The following NUP62CL variants were observed in gnomAD, a reference collection of about 807,000 sequenced individuals.
NUP62CL encodes nucleoporin-62 C-terminal-like protein.
In NUP62CL, 13 loss-of-function variants were observed where a neutral mutation model predicts 15.3. The observed-to-expected ratio is 0.85, with a 90% CI of 0.55 to 1.35. The LOEUF (loss-of-function observed/expected upper bound fraction) is 1.35. Ranked by LOEUF, NUP62CL falls within the 40% of genes most tolerant of loss-of-function variation. The pLI is 0.00. For missense variants in NUP62CL, 123 were observed against 130.6 expected (o/e 0.94, Z 0.28); for synonymous variants, 54 against 49.2 (o/e 1.10, Z -0.41).
At chrX:107,124,484 C>T (rs1925342165) in intron 8 of NUP62CL, among the ~76,000 whole-genome samples, 152 bp from the exon 9 acceptor site, 1 of 111,372 alleles carries the variant, frequency 9.0e-6, no homozygotes, top group Non-Finnish European at 1.9e-5. Context: ...AAAAAACACT[C>T]ATCTATCTGT....
chrX:107,132,045 C>G (rs1270807669), intron 8 of NUP62CL: 27 of 1,062,203 alleles, frequency 2.5e-5, no homozygotes, highest in Admixed American at 4.4e-5. Context: ...ATCGACCCAA[C>G]ATGATTTGTA....
At chrX:107,201,869 T>G (rs1325530766) in intron 1 of NUP62CL, among the ~76,000 whole-genome samples, 7 of 110,306 alleles carry the variant, frequency 6.3e-5, no homozygotes, top group Non-Finnish European at 1.3e-4. Context: ...GCCCAAGAGG[T>G]GGAGGTTGCA....
At chrX:107,154,309 T>C in intron 4 of NUP62CL, 63 bp from the exon 5 acceptor site, 1 of 962,077 alleles carries the variant, frequency 1.0e-6, no homozygotes, top group Admixed American at 3.0e-5. Context: ...GATCAGATTT[T>C]AAAAACGAAC....
At chrX:107,204,537 T>C (rs1372219849) in intron 1 of NUP62CL, among the ~76,000 whole-genome samples, 1 of 110,058 alleles carries the variant, frequency 9.1e-6, no homozygotes, top group Non-Finnish European at 1.9e-5. Flanking sequence ...TAACATTTGT[T>C]CCCCAAGAAG....
At chrX:107,129,812 G>A (rs190876776) in intron 8 of NUP62CL, among the ~76,000 whole-genome samples, 2 of 111,764 alleles carry the variant, frequency 1.8e-5, no homozygotes, top group Admixed American at 1.9e-4. Context: ...AAAGCTAAAA[G>A]AAATACTCCA....
intron 1 of NUP62CL, among the ~76,000 whole-genome samples, chrX:107,204,275 G>A (rs1254888720): frequency 2.7e-5 from 3 of 111,347 alleles, no homozygotes; most frequent in Non-Finnish European, 3.8e-5. Context: ...TAGTCTCGGA[G>A]ATCCACTTAC....
intron 1 of NUP62CL, among the ~76,000 whole-genome samples, chrX:107,205,643 A>T (rs1927658038): frequency 9.0e-6 from 1 of 111,492 alleles, no homozygotes; most frequent in Non-Finnish European, 1.9e-5. Flanking sequence ...CCTACTATTG[A>T]TCATGGCTAA....
Position 107,153,177 on chromosome X carries a change from C to T in NUP62CL, c.525G>A (p.Val175=). The T allele has an allele frequency of 8.3e-7, 1 of 1,202,001 alleles. No individual in the cohort carries two copies. Among genetic ancestry groups the T allele is most frequent in the Non-Finnish European group, 1.1e-6 (1 of 892,332 alleles). ...HYLQDADEEH[V]EISTRSAEF The stretch of plus-strand genomic sequence containing the variant: ...ATCTTTTTTCAGTTACTTACATCTC[C>T]ACATGCTCCTCATCTGCATCCTGCA... Residue 175 remains valine, a synonymous_variant, in exon 7 of 9, where the codon GTG becomes GTA. Transcript: ENST00000372466.
intron 7 of NUP62CL, among the ~76,000 whole-genome samples, chrX:107,152,151 GATAT>G (rs760687909): frequency 1.6e-3 from 67 of 42,785 alleles, no homozygotes; most frequent in Middle Eastern, 0.015. Context: ...TATATATTCA[GATAT>G]ATATATATAT....
In NUP62CL at chrX:107,206,413, G is replaced by T. The variant is rs2298179; in HGVS notation, c.-232C>A. ...CCTCCTTAGTGGGCAGGTTCCCGCTGAAGTGAAGCTAACCGAGACTGAGGC... is the reference window on the plus strand; with the variant it reads ...CCTCCTTAGTGGGCAGGTTCCCGCTTAAGTGAAGCTAACCGAGACTGAGGC... On this transcript the variant is annotated 5_prime_UTR_variant, in exon 1 of 9. Coordinates refer to ENST00000372466, the MANE Select transcript of NUP62CL (RefSeq NM_017681.3). 20,424 of 109,568 alleles carry T rather than the reference G, an allele frequency of 0.19. 1,575 individuals carry two copies. The highest frequency in any genetic ancestry group is 0.47 in the East Asian group (1,599 of 3,391). The allele number at this position is 109,568 out of a possible 1,213,427, so 9.0% of individuals were successfully genotyped here.
chrX:107,189,899 AAG>A (rs1491055878), intron 2 of NUP62CL, among the ~76,000 whole-genome samples: 3 of 99,173 alleles, frequency 3.0e-5, no homozygotes, highest in Non-Finnish European at 6.0e-5. Context: ...GAAAGAAAGA[AAG>A]AAAGAAAGAA....
intron 1 of NUP62CL, among the ~76,000 whole-genome samples, chrX:107,202,897 T>C (rs1394753178): frequency 9.8e-6 from 1 of 101,677 alleles, no homozygotes; most frequent in Non-Finnish European, 2.0e-5. Context: ...CAGCTACTTG[T>C]AGCCCCAGAG....
intron 8 of NUP62CL, among the ~76,000 whole-genome samples, chrX:107,141,316 A>G (rs1022279525): frequency 8.9e-6 from 1 of 112,266 alleles, no homozygotes; most frequent in Non-Finnish European, 1.9e-5. Context: ...CAAAAAATCT[A>G]TTTTGTCTGT....
intron 8 of NUP62CL, chrX:107,132,413 C>T: frequency 2.4e-6 from 1 of 409,389 alleles, no homozygotes; most frequent in Non-Finnish European, 4.2e-6. Flanking sequence ...CCAGTCATAA[C>T]ACAACTTATT....
intron 4 of NUP62CL, among the ~76,000 whole-genome samples, chrX:107,159,577 A>C (rs1417006527): frequency 7.1e-4 from 47 of 66,141 alleles, no homozygotes; most frequent in Non-Finnish European, 1.0e-3. Context: ...ACAAAATTCA[A>C]CAACCCTTCA....
chrX:107,204,818 TTATTTA>T (rs1927610170), intron 1 of NUP62CL, among the ~76,000 whole-genome samples: 1 of 75,411 alleles, frequency 1.3e-5, no homozygotes, highest in Admixed American at 1.4e-4. Context: ...TTTAAATAAA[TTATTTA>T]AATAAATTTT....
At chrX:107,125,005 A>C (rs1324975066) in intron 8 of NUP62CL, among the ~76,000 whole-genome samples, 2 of 111,746 alleles carry the variant, frequency 1.8e-5, no homozygotes, top group African/African-American at 6.5e-5. Flanking sequence ...TAAAAAATTT[A>C]AACGATATAC....
intron 8 of NUP62CL, among the ~76,000 whole-genome samples, chrX:107,131,019 A>G (rs1002279441): frequency 4.5e-5 from 5 of 111,616 alleles, no homozygotes; most frequent in African/African-American, 1.6e-4. Flanking sequence ...CCTAATACGG[A>G]AAAACTAAAA....
intron 3 of NUP62CL, among the ~76,000 whole-genome samples, chrX:107,173,662 A>T (rs977959447): frequency 1.8e-5 from 2 of 111,995 alleles, no homozygotes; most frequent in African/African-American, 3.2e-5. Context: ...TATCAAAATG[A>T]TTCCAGAATC....
Sources: gnomAD v4.1 joint callset for allele counts (sites outside exome capture counted in the v4.1 genomes callset) on GRCh38, gnomAD v4.1.1 for gene constraint, MANE v1.5 for transcripts, NCBI Gene and HGNC (gene_info 2026-07-23, HGNC 2026-07-21) for gene names.